Variants in MASTL observed in about 807,000 individuals in gnomAD.
MASTL encodes serine/threonine-protein kinase greatwall.
Under a neutral mutation model 82.5 loss-of-function variants are expected in MASTL, and 54 were observed. The ratio of observed to expected loss-of-function variants is 0.65; its 90% CI spans 0.53 to 0.82. MASTL has a LOEUF of 0.82. Among genes scored for constraint, MASTL ranks in the 40% least tolerant of loss-of-function variants. MASTL has a pLI of 0.00. For synonymous variants in MASTL, 323 were observed against 368.9 expected, an observed-to-expected ratio of 0.88 and a Z score of 1.43; for missense variants, 950 against 1,047.8, an observed-to-expected ratio of 0.91 and a Z score of 1.29.
chr10:27,181,760 G>A (rs1050672703), intron 11 of MASTL, among the ~76,000 whole-genome samples, 179 bp downstream of exon 11: 7 of 152,070 alleles, frequency 4.6e-5, no homozygotes, highest in South Asian at 4.1e-4. Flanking sequence ...CCGATATGGC[G>A]AAAGCCCATC....
rs1188376904 is a variant in MASTL, at chr10:27,158,663, C to A, written c.301C>A (p.Gln101Lys). Residue 101 changes from glutamine (Q) to lysine (K), a missense_variant, in exon 2 of 12, where the codon CAG (glutamine) becomes AAG (lysine). Physicochemically the swap from Gln to Lys is moderately conservative, Grantham distance 53 (BLOSUM62 1). Coordinates refer to ENST00000375940, the MANE Select transcript of MASTL (RefSeq NM_001172303.3). ...CATTGTCCATTTGTATTATTCACTG[C>A]AGTCTGCAAACAATGTCTACTTGGT... ...PFIVHLYYSL[Q>K]SANNVYLVME... is the part of the protein sequence containing the mutation. The A allele has an allele frequency of 1.9e-6, 3 of 1,613,866 alleles. No homozygotes were observed. Among genetic ancestry groups the A allele is most frequent in the Non-Finnish European group, 2.5e-6 (3 of 1,179,854 alleles).
At chr10:27,176,123 G>C (rs1588709069) in intron 9 of MASTL, among the ~76,000 whole-genome samples, 1 of 151,238 alleles carries the variant, frequency 6.6e-6, no homozygotes, top group African/African-American at 2.4e-5. Context: ...GAAAACACTG[G>C]GCTTGTTACC....
At chr10:27,160,253 TC>T (rs1240979010) in intron 3 of MASTL, among the ~76,000 whole-genome samples, 1 of 123,944 alleles carries the variant, frequency 8.1e-6, no homozygotes, top group Non-Finnish European at 1.6e-5. Flanking sequence ...CACCTCAGCC[TC>T]CCAAAATGCT....
intron 9 of MASTL, among the ~76,000 whole-genome samples, chr10:27,180,441 G>A (rs1373171462): frequency 6.6e-6 from 1 of 152,096 alleles, no homozygotes; most frequent in Non-Finnish European, 1.5e-5. Context: ...GCCCAGGCTG[G>A]AGTGCAGTGG....
In MASTL at chr10:27,165,130, C is replaced by A; in HGVS notation, c.620C>A (p.Thr207Asn). ...AAACCTAGACAAGATTATTCAAGAA[C>A]CCCAGGACAAGTGTTATCGCTTATC... ...MAKPRQDYSR[T>N]PGQVLSLISS... is the part of the protein sequence containing the mutation. The change falls in exon 5 of 12, where the codon ACC becomes AAC. Residue 207 changes from threonine (T) to asparagine (N), a missense_variant. Coordinates refer to ENST00000375940, the MANE Select transcript of MASTL (RefSeq NM_001172303.3). The A allele has an allele frequency of 6.2e-7, 1 of 1,613,532 alleles. No homozygotes were observed. The highest frequency in any genetic ancestry group is 8.5e-7 in the Non-Finnish European group (1 of 1,179,548).
upstream of MASTL, chr10:27,155,027 C>T (rs1290123958): frequency 4.2e-6 from 1 of 235,914 alleles, no homozygotes; most frequent in African/African-American, 2.3e-5. Flanking sequence ...GGTTTCTACG[C>T]CTCGCGAGGG....
At chr10:27,156,729 A>G (rs1213542780) in intron 1 of MASTL, among the ~76,000 whole-genome samples, 1 of 151,024 alleles carries the variant, frequency 6.6e-6, no homozygotes, top group African/African-American at 2.4e-5. Context: ...TATGTTGGCC[A>G]GGCTGGTCTG....
chr10:27,171,384 G>T (rs1319251700), intron 8 of MASTL, among the ~76,000 whole-genome samples: 1 of 150,902 alleles, frequency 6.6e-6, no homozygotes, highest in East Asian at 1.9e-4. Context: ...ATTTTCACTT[G>T]ATCCCCACAG....
At chr10:27,176,154 C>T (rs1450247558) in intron 9 of MASTL, among the ~76,000 whole-genome samples, 1 of 151,912 alleles carries the variant, frequency 6.6e-6, no homozygotes, top group Non-Finnish European at 1.5e-5. Flanking sequence ...TTCCTCTGTT[C>T]CCTACCTCAG....
intron 11 of MASTL, among the ~76,000 whole-genome samples, chr10:27,184,874 T>C (rs1329655164): frequency 1.3e-5 from 2 of 152,172 alleles, no homozygotes; most frequent in African/African-American, 4.8e-5. Flanking sequence ...GAGCATACTT[T>C]TATTTTACTA....
chr10:27,164,950 T>C, intron 4 of MASTL, 114 bp from the exon 5 acceptor site: 4 of 747,280 alleles, frequency 5.4e-6, no homozygotes, highest in Non-Finnish European at 7.0e-6. Context: ...TGTCTCCTTT[T>C]TTAACATTTG....
intron 11 of MASTL, among the ~76,000 whole-genome samples, chr10:27,184,683 C>G (rs990820282): frequency 6.7e-6 from 1 of 150,072 alleles, no homozygotes; most frequent in Admixed American, 6.7e-5. Context: ...GCCTCAGCCT[C>G]CCAAATAGCT....
intron 2 of MASTL, 67 bp downstream of exon 2, chr10:27,158,753 G>A (rs952184768): frequency 1.3e-6 from 2 of 1,572,634 alleles, no homozygotes; most frequent in Admixed American, 3.3e-5. Context: ...TGATTTAAGA[G>A]AACCATGTTT....
chr10:27,181,405 A>C, intron 10 of MASTL, 75 bp from the exon 11 acceptor site: 1 of 1,148,988 alleles, frequency 8.7e-7, no homozygotes, highest in Non-Finnish European at 1.3e-6. Context: ...AAACAAAAAA[A>C]AGTAGTCATT....
intron 1 of MASTL, among the ~76,000 whole-genome samples, chr10:27,156,639 A>G (rs563015692): frequency 5.0e-4 from 71 of 141,278 alleles, no homozygotes; most frequent in African/African-American, 1.6e-3. Flanking sequence ...AGCTGGGATT[A>G]CAGGCGCGCG....
intron 1 of MASTL, among the ~76,000 whole-genome samples, chr10:27,156,510 AT>A (rs71523560): frequency 3.3e-5 from 5 of 149,662 alleles, no homozygotes; most frequent in Middle Eastern, 3.5e-3. Flanking sequence ...GTCTTTAATA[AT>A]TTTTTTTTAA....
chr10:27,171,463 C>T (rs570579731), intron 8 of MASTL, among the ~76,000 whole-genome samples: 301 of 149,744 alleles, frequency 2.0e-3, no homozygotes, highest in African/African-American at 7.3e-3. Flanking sequence ...GAGACAGTCT[C>T]GTTCTTTTGC....
At chr10:27,156,165 C>A (rs1277119530) in intron 1 of MASTL, among the ~76,000 whole-genome samples, 4 of 152,058 alleles carry the variant, frequency 2.6e-5, no homozygotes, top group African/African-American at 9.7e-5. Context: ...TCACCACGCC[C>A]GGCTGATTTT....
At position 27,186,484 on chromosome 10, in the gene MASTL, T is replaced by C. The variant is rs1237898076; in HGVS notation, c.2588T>C (p.Phe863Ser). 6.2e-7 allele frequency: 1 copy of C among 1,614,144 alleles called. No homozygotes were observed. Among genetic ancestry groups the C allele is most frequent in the African/African-American group, 1.3e-5 (1 of 75,040 alleles). Residue 863 changes from phenylalanine (F) to serine (S), a missense_variant, in exon 12 of 12, where the codon TTT becomes TCT. Phe to Ser is a radical substitution (Grantham distance 155, BLOSUM62 -2). Coordinates refer to ENST00000375940, the MANE Select transcript of MASTL (RefSeq NM_001172303.3). ...GATGATGAAACAGATACCTCCTATT[T>C]TGAAGCCAGGAATACTGCTCAGCAC... ...QPDDETDTSY[F>S]EARNTAQHLT...
Sources: allele counts gnomAD v4.1 joint callset (sites outside exome capture counted in the v4.1 genomes callset), GRCh38; gene constraint gnomAD v4.1.1; transcripts MANE v1.5; gene names NCBI Gene and HGNC (gene_info 2026-07-23, HGNC 2026-07-21).